The following ACAD9 variants were observed in gnomAD, a reference collection of about 807,000 sequenced individuals.
The protein encoded by ACAD9 is complex I assembly factor ACAD9, mitochondrial.
ACAD9 carries 53 observed loss-of-function variants against 70.2 expected under a neutral mutation model. That is an observed-to-expected ratio of 0.75 (90% confidence interval 0.61 to 0.95). The LOEUF (loss-of-function observed/expected upper bound fraction) is 0.95, where lower values mean the gene tolerates loss of function less well. Among genes scored for constraint, ACAD9 ranks in the 40% least tolerant of loss-of-function variants. The pLI, the probability that ACAD9 is intolerant of heterozygous loss-of-function variation, is 0.00. For synonymous variants in ACAD9, 313 were observed against 312.1 expected, an observed-to-expected ratio of 1.00 and a Z score of -0.03; for missense variants, 777 against 802.8, an observed-to-expected ratio of 0.97 and a Z score of 0.39.
intron 17 of ACAD9, among the ~76,000 whole-genome samples, chr3:128,912,128 G>T (rs1423972004): frequency 1.3e-5 from 2 of 152,172 alleles, no homozygotes; most frequent in Non-Finnish European, 2.9e-5. Flanking sequence ...ATGATTTTTT[G>T]CAGGTCCTAG....
chr3:128,898,500 G>A, intron 6 of ACAD9: 1 of 408,392 alleles, frequency 2.4e-6, no homozygotes, highest in Middle Eastern at 3.4e-4. Flanking sequence ...CAACTTCCTG[G>A]GCTCAGGTGA....
In ACAD9 at chr3:128,879,784, C is replaced by T. The variant is rs763269482; in HGVS notation, c.93C>T (p.Arg31=). The T allele has an allele frequency of 1.2e-6, 2 of 1,613,828 alleles. No homozygotes were observed. Residue 31 remains arginine (R), a synonymous_variant, in exon 1 of 18, where the codon CGC becomes CGT. Transcript: ENST00000308982. The stretch of plus-strand genomic sequence containing the variant: ...CTACCGCGAACCGGCGGCTACTGCG[C>T]ACCAGCCCGCCTGTACGAGCTTTCG... The part of the protein sequence containing the change: ...VVSTANRRLL[R]TSPPVRAFAK...
At chr3:128,888,332 G>A (rs1360330795) in intron 2 of ACAD9, among the ~76,000 whole-genome samples, 6 of 152,088 alleles carry the variant, frequency 3.9e-5, no homozygotes, top group Non-Finnish European at 5.9e-5. Flanking sequence ...CAATCCCAGC[G>A]CTTTGGGAGG....
Position 128,895,362 on chromosome 3 carries a change from C to T in ACAD9, c.399C>T (p.Ser133=), listed in dbSNP as rs753486926. ...ACTCAAGACTAGGGGAGATCATCAG[C>T]ATGGATGGGTCCATCACTGTGACCC... is the stretch of plus-strand genomic sequence containing the variant. ...TMYSRLGEII[S]MDGSITVTLA... is the part of the protein sequence containing the mutation. The change falls in exon 4 of 18, where the codon AGC becomes AGT. Residue 133 remains serine, a synonymous_variant. Coordinates refer to ENST00000308982, the MANE Select transcript of ACAD9 (RefSeq NM_014049.5). 2 of 1,613,042 alleles carry T rather than the reference C, an allele frequency of 1.2e-6. No individual in the cohort carries two copies. The highest frequency in any genetic ancestry group is 4.5e-5 in the East Asian group (2 of 44,854).
chr3:128,903,410 C>T (rs1935798821), intron 9 of ACAD9, among the ~76,000 whole-genome samples: 1 of 152,210 alleles, frequency 6.6e-6, no homozygotes, highest in Non-Finnish European at 1.5e-5. Context: ...TACTCAGGCA[C>T]AAGGCCTCTG....
chr3:128,894,604 A>G (rs896343364), intron 3 of ACAD9, among the ~76,000 whole-genome samples: 2 of 145,662 alleles, frequency 1.4e-5, no homozygotes, highest in African/African-American at 2.6e-5. Context: ...GTGTGGTCAT[A>G]GCTCACTGTA....
chr3:128,890,210 G>A (rs1424317376), intron 2 of ACAD9, among the ~76,000 whole-genome samples: 1 of 151,824 alleles, frequency 6.6e-6, no homozygotes, highest in Non-Finnish European at 1.5e-5. Flanking sequence ...TCAGCCTCCC[G>A]AGTAGCTGAG....
intron 2 of ACAD9, among the ~76,000 whole-genome samples, chr3:128,886,609 G>A (rs189271841): frequency 5.1e-4 from 77 of 151,776 alleles, no homozygotes; most frequent in African/African-American, 1.8e-3. Context: ...TCAGGAGGCT[G>A]AGGCAGGAGA....
chr3:128,896,463 C>A lies in ACAD9; in HGVS notation c.481C>A (p.Gln161Lys), dbSNP rs1292009704. 1 of 1,614,102 alleles carries A rather than the reference C, an allele frequency of 6.2e-7. No homozygotes were observed. Among genetic ancestry groups the A allele is most frequent in the Non-Finnish European group, 8.5e-7 (1 of 1,180,050 alleles). The stretch of plus-strand genomic sequence containing the variant: ...GATCATCTTGGCTGGCACTGAGGAG[C>A]AGAAAGCCAAATACTTGCCTAAACT... ...KGIILAGTEE[Q>K]KAKYLPKLAS... The change falls in exon 5 of 18, where the codon CAG becomes AAG. Residue 161 changes from glutamine to lysine, a missense_variant. By Grantham distance (53) the Gln-to-Lys change is moderately conservative. Coordinates refer to ENST00000308982, the MANE Select transcript of ACAD9 (RefSeq NM_014049.5).
intron 2 of ACAD9, among the ~76,000 whole-genome samples, chr3:128,891,605 A>G (rs1032271139): frequency 6.6e-6 from 1 of 152,234 alleles, no homozygotes; most frequent in South Asian, 2.1e-4. Context: ...TGGGCGACAG[A>G]GCGAGACTCC....
chr3:128,893,617 A>C lies in ACAD9; in HGVS notation c.307A>C (p.Ser103Arg), dbSNP rs750063865. Residue 103 changes from serine (S) to arginine (R), a missense_variant, in exon 3 of 18, where the codon AGC becomes CGC. Ser to Arg is a moderately radical substitution (Grantham distance 110, BLOSUM62 -1). Coordinates refer to ENST00000308982, the MANE Select transcript of ACAD9 (RefSeq NM_014049.5). Reference protein sequence around the residue: ...IPDETLEKLKSLGLFGLQVPE... With the variant: ...IPDETLEKLKRLGLFGLQVPE... ...AGATGAAACTTTGGAGAAATTGAAG[A>C]GCCTAGGGCTTTTTGGGCTGCAAGT... The C allele has an allele frequency of 7.4e-6, 12 of 1,614,220 alleles. No individual in the cohort carries two copies. Among genetic ancestry groups the C allele is most frequent in the Non-Finnish European group, 7.6e-6 (9 of 1,180,034 alleles).
In ACAD9 at chr3:128,896,492, G is replaced by A. The variant is rs187374592; in HGVS notation, c.510G>A (p.Ala170=). ...EQKAKYLPKL[A]SGEHIAAFCL... is the part of the protein sequence containing the mutation. The stretch of plus-strand genomic sequence containing the variant: ...AAGCCAAATACTTGCCTAAACTGGC[G>A]TCCGGGGAGCACATTGCAGCCTTCT... Residue 170 remains alanine (A), a synonymous_variant, in exon 5 of 18, where the codon GCG becomes GCA. Coordinates refer to ENST00000308982, the MANE Select transcript of ACAD9 (RefSeq NM_014049.5). 343 of 1,614,180 alleles carry A rather than the reference G, an allele frequency of 2.1e-4. 2 individuals carry two copies. Among genetic ancestry groups the A allele is most frequent in the Admixed American group, 3.7e-4 (22 of 60,012 alleles).
chr3:128,899,227 G>T (rs1935658772), intron 6 of ACAD9, 60 bp from the exon 7 acceptor site: 4 of 1,575,768 alleles, frequency 2.5e-6, no homozygotes, highest in Non-Finnish European at 3.5e-6. Context: ...GACAAAGACA[G>T]AGCTGAGGTG....
At chr3:128,901,479 GT>G (rs1935738669) in intron 8 of ACAD9, 130 bp downstream of exon 8, 1 of 1,083,754 alleles carries the variant, frequency 9.2e-7, no homozygotes, top group African/African-American at 1.5e-5. Context: ...ATGGTTATCT[GT>G]TGGGAAATTG....
chr3:128,886,928 TTTTG>T (rs1308479607), intron 2 of ACAD9, among the ~76,000 whole-genome samples: 3 of 151,894 alleles, frequency 2.0e-5, no homozygotes, highest in East Asian at 1.9e-4. Flanking sequence ...CAGACATGCT[TTTTG>T]TTTGTTTGTT....
chr3:128,883,145 G>A (rs1053586268), intron 1 of ACAD9, among the ~76,000 whole-genome samples: 5 of 149,846 alleles, frequency 3.3e-5, no homozygotes, highest in African/African-American at 7.4e-5. Flanking sequence ...CTGGAGTGCA[G>A]TGGTGCAATC....
At chr3:128,887,644 A>AATAAATATATATAT (rs1436892805) in intron 2 of ACAD9, among the ~76,000 whole-genome samples, 21 of 133,110 alleles carry the variant, frequency 1.6e-4, no homozygotes, top group African/African-American at 5.8e-4. Flanking sequence ...AAAATAAATA[A>AATAAATATATATAT]ATATATATAT....
In ACAD9 at chr3:128,893,561, C is replaced by T. The variant is rs1392830798; in HGVS notation, c.251C>T (p.Ser84Phe). Residue 84 changes from serine (S) to phenylalanine (F), a missense_variant, in exon 3 of 18, where the codon TCC (serine) becomes TTC (phenylalanine). By Grantham distance (155) the Ser-to-Phe change is radical. Coordinates refer to ENST00000308982, the MANE Select transcript of ACAD9 (RefSeq NM_014049.5). Reference sequence around the variant, plus strand: ...AAGATTTTCCTCTTGGCAGTGGACTCCCGAAAAATTGACCAGGAAGGGAAA... The same window carrying T: ...AAGATTTTCCTCTTGGCAGTGGACTTCCGAAAAATTGACCAGGAAGGGAAA... ...VEKFFTEEVD[S>F]RKIDQEGKIP... 1.9e-6 allele frequency: 3 copies of T among 1,613,810 alleles called. No homozygotes were observed. The highest frequency in any genetic ancestry group is 1.7e-6 in the Non-Finnish European group (2 of 1,179,780).
chr3:128,885,406 T>C (rs1935215929), intron 2 of ACAD9, among the ~76,000 whole-genome samples: 1 of 152,174 alleles, frequency 6.6e-6, no homozygotes. Flanking sequence ...TACTTTATTT[T>C]TTTGAGAAAG....
Sources: allele counts gnomAD v4.1 joint callset (sites outside exome capture counted in the v4.1 genomes callset), GRCh38; gene constraint gnomAD v4.1.1; transcripts MANE v1.5; gene names NCBI Gene and HGNC (gene_info 2026-07-23, HGNC 2026-07-21).